Variants in LANCL1 observed in about 807,000 individuals in gnomAD.
LANCL1 encodes the protein glutathione S-transferase LANCL1.
A neutral mutation model predicts 50.6 loss-of-function variants in LANCL1; 50 were observed. That is an observed-to-expected ratio of 0.99 (90% confidence interval 0.79 to 1.25). The LOEUF is 1.25. Among genes scored for constraint, LANCL1 ranks in the 50% most tolerant of loss-of-function variants. The probability of loss-of-function intolerance (pLI) is 0.00; values close to 1 mark genes in which losing one functional copy is unlikely to be tolerated. For missense variants in LANCL1, 532 were observed against 480.7 expected, an observed-to-expected ratio of 1.11 and a Z score of -1.00; for synonymous variants, 188 against 178.6, an observed-to-expected ratio of 1.05 and a Z score of -0.42.
chr2:210,476,298 G>A lies in LANCL1; in HGVS notation c.81+18C>T, dbSNP rs1177056796. 6.3e-7 allele frequency: 1 copy of A among 1,589,000 alleles called. No individual in the cohort carries two copies. Among genetic ancestry groups the A allele is most frequent in the East Asian group, 2.2e-5 (1 of 44,708 alleles). On this transcript the variant is annotated intron_variant, in intron 2 of 9. Coordinates refer to ENST00000450366, the MANE Select transcript of LANCL1 (RefSeq NM_006055.3). Reference sequence around the variant, plus strand: ...GTGGGGAGAGGCAGGGATGCAGGCAGACATATCCTAAACTCACCCTCCCGG... The same window carrying A: ...GTGGGGAGAGGCAGGGATGCAGGCAAACATATCCTAAACTCACCCTCCCGG...
chr2:210,446,746 A>G (rs543370638), intron 4 of LANCL1, among the ~76,000 whole-genome samples: 1 of 152,124 alleles, frequency 6.6e-6, no homozygotes, highest in Admixed American at 6.5e-5. Flanking sequence ...CAAGCAGAAG[A>G]AAGGATATCA....
chr2:210,441,173 G>C (rs1574416299), intron 5 of LANCL1, 135 bp downstream of exon 5: 1 of 868,304 alleles, frequency 1.2e-6, no homozygotes, highest in East Asian at 2.5e-5. Context: ...CTTGGACTGT[G>C]CCCAACCTTT....
At chr2:210,469,856 C>CA (rs1275950288) in intron 3 of LANCL1, among the ~76,000 whole-genome samples, 1 of 151,864 alleles carries the variant, frequency 6.6e-6, no homozygotes, top group Non-Finnish European at 1.5e-5. Flanking sequence ...AATCAATCCC[C>CA]TTTTTTTTCC....
At position 210,436,376 on chromosome 2, in the gene LANCL1, T is replaced by A. The variant is rs147390013; in HGVS notation, c.890A>T (p.Lys297Met). The stretch of plus-strand genomic sequence containing the variant: ...ACACTGATAGGCATCACAGAGATAC[T>A]TTTCCTCTCTGAATACCTGCAGAGG... ...IQAYKVFREE[K>M]YLCDAYQCAD... Residue 297 changes from lysine (K) to methionine (M), a missense_variant, in exon 8 of 10, where the codon AAG becomes ATG. Physicochemically the swap from Lys to Met is moderately conservative, Grantham distance 95. Transcript: ENST00000450366. 799 of 1,613,780 alleles carry A rather than the reference T, an allele frequency of 5.0e-4. 7 individuals are homozygous for A. Among genetic ancestry groups the A allele is most frequent in the South Asian group, 3.4e-3 (311 of 91,054 alleles).
At position 210,437,674 on chromosome 2, in the gene LANCL1, A is replaced by G. The variant is rs765578655; in HGVS notation, c.873+16T>C. 2 of 1,439,658 alleles carry G rather than the reference A, an allele frequency of 1.4e-6. No homozygotes were observed. The highest frequency in any genetic ancestry group is 1.4e-5 in the African/African-American group (1 of 69,260). The allele number at this position is 1,439,658 out of a possible 1,614,324, so 89.2% of individuals were successfully genotyped here. On this transcript the variant is annotated intron_variant, in intron 7 of 9. Transcript: ENST00000450366. ...TGGTTATTTAAAAAAATTTATTTCA[A>G]AAATACACACAGTACCTTATAGGCC...
intron 4 of LANCL1, among the ~76,000 whole-genome samples, chr2:210,446,022 T>C (rs1447037372): frequency 1.3e-5 from 2 of 152,198 alleles, no homozygotes; most frequent in Non-Finnish European, 2.9e-5. Context: ...AAGGGGTGGC[T>C]GTGGGCACAA....
intron 3 of LANCL1, chr2:210,469,214 A>T (rs1160832313): frequency 2.0e-5 from 3 of 152,210 alleles, no homozygotes; most frequent in African/African-American, 7.2e-5. Flanking sequence ...TTGTGAATGC[A>T]TTTCTTGGTA....
At chr2:210,477,282 A>C (rs1042154415), upstream of LANCL1, among the ~76,000 whole-genome samples, 3 of 152,332 alleles carry the variant, frequency 2.0e-5, no homozygotes, top group African/African-American at 7.2e-5. Context: ...TACAGCTCTT[A>C]GGAAATTTAT....
At chr2:210,440,177 G>A (rs895805907) in intron 6 of LANCL1, among the ~76,000 whole-genome samples, 2 of 152,132 alleles carry the variant, frequency 1.3e-5, no homozygotes, top group Non-Finnish European at 1.5e-5. Context: ...GGCAACAAGT[G>A]CTCATTTGTT....
intron 3 of LANCL1, among the ~76,000 whole-genome samples, chr2:210,461,042 T>C (rs981417852): frequency 3.9e-5 from 6 of 152,146 alleles, no homozygotes; most frequent in Non-Finnish European, 1.5e-5. Flanking sequence ...TGCTAAGTGT[T>C]GACGTTACTG....
At chr2:210,440,521 G>A (rs1452465786) in intron 6 of LANCL1, 77 bp downstream of exon 6, 2 of 1,362,986 alleles carry the variant, frequency 1.5e-6, no homozygotes, top group Admixed American at 4.4e-5. Context: ...ACTAGAACTA[G>A]AATATCTGTT....
Position 210,436,334 on chromosome 2 carries a change from T to C in LANCL1, c.932A>G (p.Gln311Arg). The C allele has an allele frequency of 1.9e-6, 3 of 1,614,086 alleles. No individual in the cohort carries two copies. Among genetic ancestry groups the C allele is most frequent in the Non-Finnish European group, 2.5e-6 (3 of 1,179,984 alleles). Residue 311 changes from glutamine (Q) to arginine (R), a missense_variant, in exon 8 of 10, where the codon CAA (glutamine) becomes CGA (arginine). Coordinates refer to ENST00000450366, the MANE Select transcript of LANCL1 (RefSeq NM_006055.3). ...ATATCCCTTCTTCAGCAACCCATATTGCCAGATCACATCAGCACACTGATA... is the reference window on the plus strand; with the variant it reads ...ATATCCCTTCTTCAGCAACCCATATCGCCAGATCACATCAGCACACTGATA... ...DAYQCADVIW[Q>R]YGLLKKGYGL...
chr2:210,440,585 A>C lies in LANCL1; in HGVS notation c.690+13T>G. The C allele has an allele frequency of 6.2e-7, 1 of 1,602,678 alleles. No homozygotes were observed. The highest frequency in any genetic ancestry group is 8.5e-7 in the Non-Finnish European group (1 of 1,175,758). ...GAAGGACATTTTAAAATTTCACCAT[A>C]ATCACTCCTTACCTGCATCAGGTAG... On this transcript the variant is annotated intron_variant, in intron 6 of 9. Coordinates refer to ENST00000450366, the MANE Select transcript of LANCL1 (RefSeq NM_006055.3).
intron 6 of LANCL1, among the ~76,000 whole-genome samples, chr2:210,439,301 G>C (rs1027444779): frequency 3.3e-5 from 5 of 152,184 alleles, no homozygotes; most frequent in Admixed American, 2.6e-4. Flanking sequence ...CTAACACAAG[G>C]AGGCAGAGTA....
rs1290285170 is a variant in LANCL1 at position 210,433,552 on chromosome 2, A to AGTC, written c.*932_*934dup. 2 of 152,222 alleles carry AGTC rather than the reference A, an allele frequency of 1.3e-5. No homozygotes were observed. Among genetic ancestry groups the AGTC allele is most frequent in the African/African-American group, 4.8e-5 (2 of 41,454 alleles). 9.4% of individuals were successfully genotyped at this position (152,222 alleles called of 1,614,324 possible). A position where few individuals can be genotyped will look rare whatever the true frequency, so the allele number is the denominator to read the frequency against. The stretch of plus-strand genomic sequence containing the variant: ...AAATATTTTATGGCTTATACCAAAG[A>AGTC]GTCAGCACTAATGCATAGTCACTGT... On this transcript the variant is annotated 3_prime_UTR_variant, in exon 10 of 10. Transcript: ENST00000450366.
intron 4 of LANCL1, among the ~76,000 whole-genome samples, chr2:210,448,986 T>C (rs1041628824): frequency 1.3e-5 from 2 of 151,978 alleles, no homozygotes; most frequent in African/African-American, 4.8e-5. Context: ...AAAAAGGGAC[T>C]CCTCCCTAAC....
chr2:210,472,191 C>G, intron 2 of LANCL1, 115 bp from the exon 3 acceptor site: 1 of 661,518 alleles, frequency 1.5e-6, no homozygotes, highest in Non-Finnish European at 2.6e-6. Context: ...ATTTTTCCAC[C>G]TGGAAGACTA....
intron 2 of LANCL1, among the ~76,000 whole-genome samples, chr2:210,475,775 T>C (rs767327922): frequency 1.6e-4 from 25 of 152,226 alleles, no homozygotes; most frequent in Non-Finnish European, 3.4e-4. Context: ...ACCAGTTTAA[T>C]TTACAAGTTT....
chr2:210,457,450 C>G (rs1464373355), intron 3 of LANCL1, among the ~76,000 whole-genome samples: 1 of 152,038 alleles, frequency 6.6e-6, no homozygotes, highest in African/African-American at 2.4e-5. Context: ...GAATCAATAC[C>G]AAAGACTCAG....
Sources: allele counts gnomAD v4.1 joint callset (sites outside exome capture counted in the v4.1 genomes callset), GRCh38; gene constraint gnomAD v4.1.1; transcripts MANE v1.5; gene names NCBI Gene and HGNC (gene_info 2026-07-23, HGNC 2026-07-21).